Variants in CCSER1 observed in about 807,000 individuals in gnomAD.
The protein encoded by CCSER1 is serine-rich coiled-coil domain-containing protein 1.
CCSER1 carries 41 observed loss-of-function variants against 82.0 expected under a neutral mutation model. That is an observed-to-expected ratio of 0.50 (90% CI 0.39 to 0.65). CCSER1 has a LOEUF of 0.65. CCSER1 is among the 30% of genes least tolerant of loss of function. CCSER1 has a pLI of 0.00. For synonymous variants in CCSER1, 414 were observed against 383.9 expected (o/e 1.08, Z -0.92); for missense variants, 1,119 against 1,064.2 (o/e 1.05, Z -0.72).
intron 1 of CCSER1, among the ~76,000 whole-genome samples, chr4:90,148,171 A>G (rs1251698823): frequency 6.6e-6 from 1 of 152,170 alleles, no homozygotes; most frequent in African/African-American, 2.4e-5. Flanking sequence ...TCTCAAAATG[A>G]TAATAATAAT....
intron 10 of CCSER1, among the ~76,000 whole-genome samples, chr4:91,171,501 CT>C (rs1732753850): frequency 6.6e-6 from 1 of 152,176 alleles, no homozygotes; most frequent in African/African-American, 2.4e-5. Context: ...AGAAATGTTT[CT>C]GAAATGGACT....
chr4:91,337,838 A>G, intron 10 of CCSER1, among the ~76,000 whole-genome samples: 1 of 152,188 alleles, frequency 6.6e-6, no homozygotes, highest in East Asian at 1.9e-4. Flanking sequence ...AATTAGTCAT[A>G]GTGGGACAAT....
chr4:91,579,351 C>T (rs755461636), intron 10 of CCSER1, among the ~76,000 whole-genome samples: 5 of 151,074 alleles, frequency 3.3e-5, no homozygotes, highest in Non-Finnish European at 7.4e-5. Flanking sequence ...AACATTGTAC[C>T]CAATTGGTCA....
At chr4:90,812,715 G>A (rs116178434) in intron 7 of CCSER1, among the ~76,000 whole-genome samples, 3,323 of 152,208 alleles carry the variant, frequency 0.022, 126 homozygotes, top group African/African-American at 0.076. Context: ...TGGCTGGAGA[G>A]GCCTAAGGAA....
In CCSER1 at chr4:90,932,966, GAAAGAAAGAA is replaced by G. The variant is rs1318100413; in HGVS notation, c.2172+9521_2172+9530del. On this transcript the variant is annotated intron_variant, in intron 9 of 10. Transcript: ENST00000509176. The stretch of plus-strand genomic sequence containing the variant: ...AGAAAGAAAGAAAGAAAGAAAGAAA[GAAAGAAAGAA>G]AGAAAGAGAAAGAAAGAAAGAAAGA... 9.9e-4 allele frequency among the ~76,000 whole-genome samples: 34 copies of G among 34,236 alleles called. 4 individuals carry two copies. In the South Asian group the frequency reaches 0.011, roughly 11 times the overall value. The allele number at this position is 34,236 out of a possible 152,430, so 22.5% of individuals were successfully genotyped here.
intron 9 of CCSER1, among the ~76,000 whole-genome samples, chr4:90,994,602 A>T (rs1312715617): frequency 3.5e-5 from 1 of 28,380 alleles, no homozygotes; most frequent in East Asian, 4.4e-3. Flanking sequence ...TCCATTTTTT[A>T]AAAAAACTGA....
At chr4:90,957,582 TATATTATTATTTATATTA>T (rs1561418154) in intron 9 of CCSER1, among the ~76,000 whole-genome samples, 1 of 133,312 alleles carries the variant, frequency 7.5e-6, no homozygotes, top group African/African-American at 2.8e-5. Context: ...TATTATATAA[TATATTATTATTTATATTA>T]TATATAATAT....
At chr4:91,430,892 A>G (rs1754259492) in intron 10 of CCSER1, among the ~76,000 whole-genome samples, 1 of 152,174 alleles carries the variant, frequency 6.6e-6, no homozygotes, top group African/African-American at 2.4e-5. Context: ...TGGTTCTTTC[A>G]TTCATGTAAA....
chr4:90,756,514 T>C (rs1396388029), intron 7 of CCSER1, among the ~76,000 whole-genome samples: 1 of 152,182 alleles, frequency 6.6e-6, no homozygotes, highest in Non-Finnish European at 1.5e-5. Context: ...TTCTTCGGTG[T>C]CTTAGTTTCT....
At position 91,602,054 on chromosome 4, in the gene CCSER1, G is replaced by A. The variant is rs1004893022; in HGVS notation, c.*2997G>A. 9.9e-5 allele frequency: 15 copies of A among 151,992 alleles called. No individual in the cohort carries two copies. Among genetic ancestry groups the A allele is most frequent in the African/African-American group, 3.6e-4 (15 of 41,424 alleles). The allele number at this position is 151,992 out of a possible 1,614,324, so 9.4% of individuals were successfully genotyped here. ...CAAATCACAACATGAAACTGTTGCTGCAATGCTAAAGATGTGAATCCACCA... is the reference window on the plus strand; with the variant it reads ...CAAATCACAACATGAAACTGTTGCTACAATGCTAAAGATGTGAATCCACCA... On this transcript the variant is annotated 3_prime_UTR_variant, in exon 11 of 11. Transcript: ENST00000509176.
chr4:90,579,013 T>TGTG (rs1781097319), intron 5 of CCSER1, among the ~76,000 whole-genome samples: 2 of 54,514 alleles, frequency 3.7e-5, no homozygotes, highest in African/African-American at 7.1e-4. Flanking sequence ...TTATGTTGTC[T>TGTG]ATTAAAAAAA....
rs889504134 is a variant in CCSER1, at chr4:91,010,762, G to A, written c.2173-75188G>A. Among the ~76,000 whole-genome samples the A allele has an allele frequency of 2.2e-5, 3 of 133,658 alleles. 1 individual carries two copies. Among genetic ancestry groups the A allele is most frequent in the Non-Finnish European group, 5.2e-5 (3 of 57,620 alleles). 87.7% of individuals were successfully genotyped at this position (133,658 alleles called of 152,430 possible). A position where few individuals can be genotyped will look rare whatever the true frequency, so the allele number is the denominator to read the frequency against. Reference sequence around the variant, plus strand: ...TCTTCACCTCTTAATATTTCTGCTTGTTTCTTTTTTATATCCATCTCTTTG... The same window carrying A: ...TCTTCACCTCTTAATATTTCTGCTTATTTCTTTTTTATATCCATCTCTTTG... On this transcript the variant is annotated intron_variant, in intron 9 of 10. Coordinates refer to ENST00000509176, the MANE Select transcript of CCSER1 (RefSeq NM_001145065.2).
At chr4:90,554,883 C>G (rs1777928620) in intron 5 of CCSER1, among the ~76,000 whole-genome samples, 2 of 152,140 alleles carry the variant, frequency 1.3e-5, no homozygotes, top group South Asian at 4.2e-4. Context: ...GCAGCACCTT[C>G]AAGTTAGTGA....
intron 6 of CCSER1, among the ~76,000 whole-genome samples, chr4:90,682,644 G>C (rs1037516179): frequency 6.6e-6 from 1 of 151,888 alleles, no homozygotes; most frequent in Admixed American, 6.6e-5. Context: ...AGGATAATGG[G>C]AAAACAATCT....
intron 10 of CCSER1, among the ~76,000 whole-genome samples, chr4:91,252,826 G>T (rs1740358752): frequency 6.6e-6 from 1 of 152,018 alleles, no homozygotes; most frequent in Non-Finnish European, 1.5e-5. Context: ...TAAAAAAAAT[G>T]TTTCACTACC....
intron 10 of CCSER1, among the ~76,000 whole-genome samples, chr4:91,367,142 A>C (rs1201830506): frequency 1.3e-5 from 2 of 149,236 alleles, no homozygotes; most frequent in Non-Finnish European, 3.0e-5. Context: ...AAAAAAAAAA[A>C]AAAAAAAAGA....
intron 5 of CCSER1, among the ~76,000 whole-genome samples, chr4:90,479,139 T>C (rs540322234): frequency 5.3e-5 from 8 of 152,254 alleles, no homozygotes; most frequent in Admixed American, 4.6e-4. Context: ...TAGTCTTTTG[T>C]AATCTAAAAA....
chr4:91,227,209 A>G (rs1738265013), intron 10 of CCSER1, among the ~76,000 whole-genome samples: 1 of 151,986 alleles, frequency 6.6e-6, no homozygotes, highest in South Asian at 2.1e-4. Flanking sequence ...TGCTAGTTTT[A>G]TATAATAGTT....
chr4:91,058,484 C>T (rs972140547), intron 9 of CCSER1, among the ~76,000 whole-genome samples: 2 of 152,080 alleles, frequency 1.3e-5, no homozygotes, highest in Non-Finnish European at 2.9e-5. Flanking sequence ...AGGCAAGTAT[C>T]TCTTATTTCT....
Sources: gnomAD v4.1 joint callset for allele counts (sites outside exome capture counted in the v4.1 genomes callset) on GRCh38, gnomAD v4.1.1 for gene constraint, MANE v1.5 for transcripts, NCBI Gene and HGNC (gene_info 2026-07-23, HGNC 2026-07-21) for gene names.